Variants in CAMK2B observed in about 807,000 individuals in gnomAD.
CAMK2B encodes the protein calcium/calmodulin dependent protein kinase II beta.
CAMK2B carries 27 observed loss-of-function variants against 93.7 expected under a neutral mutation model. The observed-to-expected ratio is 0.29, with a 90% CI of 0.21 to 0.40. The LOEUF (loss-of-function observed/expected upper bound fraction) is 0.40. CAMK2B is among the 10% of genes least tolerant of loss of function. The probability of loss-of-function intolerance (pLI) is 1.00; values close to 1 mark genes in which losing one functional copy is unlikely to be tolerated. For missense variants in CAMK2B, 568 were observed against 895.8 expected, an observed-to-expected ratio of 0.63 and a Z score of 4.67; for synonymous variants, 374 against 358.8, an observed-to-expected ratio of 1.04 and a Z score of -0.48.
intron 2 of CAMK2B, among the ~76,000 whole-genome samples, chr7:44,283,344 G>A (rs550549792): frequency 2.6e-5 from 4 of 152,378 alleles, no homozygotes; most frequent in African/African-American, 4.8e-5. Context: ...GACCCCGTGA[G>A]GGCAGGGAGA....
chr7:44,319,368 A>G (rs941765666), intron 1 of CAMK2B, among the ~76,000 whole-genome samples: 1 of 152,218 alleles, frequency 6.6e-6, no homozygotes, highest in African/African-American at 2.4e-5. Context: ...GGGTGGCTCA[A>G]TATAGACTCT....
chr7:44,270,003 T>C (rs2096958643), intron 2 of CAMK2B, among the ~76,000 whole-genome samples: 1 of 152,046 alleles, frequency 6.6e-6, no homozygotes. Flanking sequence ...CCCAGGACTG[T>C]GCTGGACTGA....
chr7:44,313,707 G>T (rs570987389), intron 1 of CAMK2B, among the ~76,000 whole-genome samples: 1 of 146,504 alleles, frequency 6.8e-6, no homozygotes, highest in South Asian at 2.6e-4. Flanking sequence ...GTCAGAACCC[G>T]CCCCAGGCCC....
chr7:44,242,500 G>C lies in CAMK2B; in HGVS notation c.696+60C>G, dbSNP rs570436978. The C allele has an allele frequency of 3.6e-5, 55 of 1,516,822 alleles. No homozygotes were observed. In the African/African-American group the frequency reaches 5.2e-4, roughly 14 times the overall value. The allele number at this position is 1,516,822 out of a possible 1,614,324, so 94.0% of individuals were successfully genotyped here. A position where few individuals can be genotyped will look rare whatever the true frequency, so the allele number is the denominator to read the frequency against. On this transcript the variant is annotated intron_variant, in intron 9 of 23. Transcript: ENST00000395749. Reference sequence around the variant, plus strand: ...CCCACTCCTAGCCTCTTCCCACGCTGCCCTCACCCGGCCACACCTGGAGGA... The same window carrying C: ...CCCACTCCTAGCCTCTTCCCACGCTCCCCTCACCCGGCCACACCTGGAGGA...
At chr7:44,254,194 C>T (rs2096810087) in intron 5 of CAMK2B, among the ~76,000 whole-genome samples, 1 of 152,208 alleles carries the variant, frequency 6.6e-6, no homozygotes. Flanking sequence ...TGTCCCTCTT[C>T]ATCCCCCCGG....
chr7:44,247,646 G>T (rs536242246), intron 5 of CAMK2B, among the ~76,000 whole-genome samples: 39 of 152,344 alleles, frequency 2.6e-4, no homozygotes, highest in African/African-American at 9.4e-4. Flanking sequence ...GGCTGCCCTG[G>T]TGTGTGAGAA....
chr7:44,302,051 G>A (rs2129180482), intron 1 of CAMK2B, among the ~76,000 whole-genome samples: 1 of 152,180 alleles, frequency 6.6e-6, no homozygotes, highest in Middle Eastern at 3.4e-3. Flanking sequence ...ACTAATACCA[G>A]AAATAAAAGT....
At chr7:44,275,088 A>G (rs368079853) in intron 2 of CAMK2B, among the ~76,000 whole-genome samples, 2 of 152,316 alleles carry the variant, frequency 1.3e-5, no homozygotes, top group African/African-American at 4.8e-5. Flanking sequence ...GTGGCTGGAA[A>G]TGCGGAAGGA....
rs748309074 is a variant in CAMK2B at position 44,243,339 on chromosome 7, G to A, written c.518-6C>T. ...GCCTGGTGTGCCAGCGAAACCTAGA[G>A]AGAGGGGAAGAGGCCACAAGGGGCT... On this transcript the variant is annotated splice_polypyrimidine_tract_variant and splice_region_variant and intron_variant, in intron 7 of 23. Transcript: ENST00000395749. 2.1e-5 allele frequency: 34 copies of A among 1,613,606 alleles called. No homozygotes were observed. The South Asian group carries it at 3.7e-4, about 18-fold the overall frequency.
At chr7:44,308,808 C>G (rs1417003472) in intron 1 of CAMK2B, among the ~76,000 whole-genome samples, 1 of 152,168 alleles carries the variant, frequency 6.6e-6, no homozygotes, top group African/African-American at 2.4e-5. Context: ...CCTTGCACAT[C>G]AGGCGGTGTG....
chr7:44,222,804 T>C (rs2128871411), intron 20 of CAMK2B, among the ~76,000 whole-genome samples: 1 of 148,962 alleles, frequency 6.7e-6, no homozygotes, highest in South Asian at 2.2e-4. Context: ...TCGCCAGACC[T>C]CTGGGAGCTC....
chr7:44,295,718 G>A (rs894999972), intron 1 of CAMK2B, among the ~76,000 whole-genome samples: 5 of 152,164 alleles, frequency 3.3e-5, no homozygotes, highest in East Asian at 1.9e-4. Context: ...AATATGCCAC[G>A]GCGTTCTGTT....
intron 13 of CAMK2B, among the ~76,000 whole-genome samples, chr7:44,236,662 G>A (rs1032315899): frequency 6.6e-6 from 1 of 152,206 alleles, no homozygotes; most frequent in African/African-American, 2.4e-5. Context: ...TTGCTATGGA[G>A]GGAGAGTCCT....
Position 44,313,615 on chromosome 7 carries a change from G to A in CAMK2B, c.65+11742C>T, listed in dbSNP as rs1794120122. Among the ~76,000 whole-genome samples, 3 of 151,278 alleles carry A rather than the reference G, an allele frequency of 2.0e-5. No individual in the cohort carries two copies. In the South Asian group the frequency reaches 6.4e-4, roughly 32 times the overall value. ...AACCCTCAGTCACACAGCCCTGAAA[G>A]TAAGGTGGTACAGACGGCATCTTCC... On this transcript the variant is annotated intron_variant, in intron 1 of 23. Coordinates refer to ENST00000395749, the MANE Select transcript of CAMK2B (RefSeq NM_001220.5).
chr7:44,221,047 C>T (rs1171121089), intron 20 of CAMK2B, 146 bp from the exon 21 acceptor site: 15 of 628,804 alleles, frequency 2.4e-5, no homozygotes, highest in East Asian at 1.4e-4. Context: ...TCCTCTCCGC[C>T]GCCCCCCCTG....
chr7:44,234,444 G>T lies in CAMK2B; in HGVS notation c.1077C>A (p.Thr359=). 2 of 1,558,174 alleles carry T rather than the reference G, an allele frequency of 1.3e-6. No individual in the cohort carries two copies. The highest frequency in any genetic ancestry group is 1.2e-5 in the South Asian group (1 of 82,618). The part of the protein sequence containing the change: ...ADGVKPQTNS[T]KNSAAATSPK... ...GGCTGGTGGCGGCTGCACTGTTTTTGGTGCTATTCGTCTGGGGCTGTGGAG... is the reference window on the plus strand; with the variant it reads ...GGCTGGTGGCGGCTGCACTGTTTTTTGTGCTATTCGTCTGGGGCTGTGGAG... The change falls in exon 15 of 24, where the codon ACC becomes ACA. Residue 359 remains threonine (T), a synonymous_variant. Transcript: ENST00000395749.
chr7:44,226,012 G>T, intron 20 of CAMK2B: 1 of 906,286 alleles, frequency 1.1e-6, no homozygotes, highest in Non-Finnish European at 1.5e-6. Flanking sequence ...TTTCAGCCTG[G>T]CCCCAGCTGC....
intron 2 of CAMK2B, among the ~76,000 whole-genome samples, chr7:44,270,231 C>T (rs962730883): frequency 6.6e-6 from 1 of 152,148 alleles, no homozygotes; most frequent in Non-Finnish European, 1.5e-5. Context: ...TCTGCTTGTC[C>T]ACCACACAGC....
At chr7:44,292,796 G>A (rs1488462268) in intron 1 of CAMK2B, among the ~76,000 whole-genome samples, 1 of 152,210 alleles carries the variant, frequency 6.6e-6, no homozygotes, top group Non-Finnish European at 1.5e-5. Context: ...CTGAAACCCT[G>A]TGTGATCCAC....
Sources: allele counts gnomAD v4.1 joint callset (sites outside exome capture counted in the v4.1 genomes callset), GRCh38; gene constraint gnomAD v4.1.1; transcripts MANE v1.5; gene names NCBI Gene and HGNC (gene_info 2026-07-23, HGNC 2026-07-21).